DNAH14: variants seen among roughly 807,000 people sequenced by gnomAD.
DNAH14 encodes axonemal beta dynein heavy chain 14.
DNAH14 carries 478 observed loss-of-function variants against 520.9 expected under a neutral mutation model. That is an observed-to-expected ratio of 0.92 (90% confidence interval 0.85 to 0.99). The LOEUF (loss-of-function observed/expected upper bound fraction) is 0.99. DNAH14 is among the 50% of genes least tolerant of loss of function. The pLI is 0.00. For missense variants in DNAH14, 4,831 were observed against 5,234.5 expected, an observed-to-expected ratio of 0.92 and a Z score of 2.38; for synonymous variants, 1,581 against 1,757.2, an observed-to-expected ratio of 0.90 and a Z score of 2.51.
intron 83 of DNAH14, among the ~76,000 whole-genome samples, chr1:225,391,425 T>C (rs2095911303): frequency 6.6e-6 from 1 of 152,064 alleles, no homozygotes; most frequent in African/African-American, 2.4e-5. Context: ...TGAGCCATGA[T>C]CATGCCACTG....
intron 36 of DNAH14, among the ~76,000 whole-genome samples, chr1:225,181,148 GGACCT>G (rs1368544390): frequency 1.3e-5 from 2 of 152,128 alleles, no homozygotes; most frequent in Non-Finnish European, 2.9e-5. Flanking sequence ...TTGCTATAAA[GGACCT>G]GATTTCATTC....
At chr1:225,183,317 A>G (rs2084267547) in intron 36 of DNAH14, among the ~76,000 whole-genome samples, 1 of 152,264 alleles carries the variant, frequency 6.6e-6, no homozygotes, top group African/African-American at 2.4e-5. Flanking sequence ...AATGGCAGGT[A>G]GGTAGTGGTG....
intron 28 of DNAH14, among the ~76,000 whole-genome samples, chr1:225,142,450 G>A (rs2079544593): frequency 1.3e-5 from 2 of 152,170 alleles, no homozygotes; most frequent in African/African-American, 4.8e-5. Flanking sequence ...ATCAGATCAT[G>A]TTACATACCT....
chr1:225,305,967 C>T (rs549608200), intron 58 of DNAH14, among the ~76,000 whole-genome samples: 7 of 152,148 alleles, frequency 4.6e-5, no homozygotes, highest in Non-Finnish European at 8.8e-5. Flanking sequence ...AGCCAAGCTC[C>T]GTGTCTGGAG....
At chr1:225,130,171 A>T (rs2148947339) in intron 27 of DNAH14, among the ~76,000 whole-genome samples, 1 of 152,304 alleles carries the variant, frequency 6.6e-6, no homozygotes. Context: ...AGGAAACAAC[A>T]GGTGCTAGAG....
chr1:225,110,850 A>G (rs138528328), intron 23 of DNAH14, among the ~76,000 whole-genome samples: 2 of 151,702 alleles, frequency 1.3e-5, no homozygotes, highest in East Asian at 1.9e-4. Context: ...TTATTTTCCA[A>G]TTTTCTTCTT....
intron 38 of DNAH14, among the ~76,000 whole-genome samples, chr1:225,198,447 G>C (rs906470223): frequency 6.6e-6 from 1 of 152,044 alleles, no homozygotes. Context: ...TCAATCTCCT[G>C]ACCTTGTGAT....
chr1:224,934,902 C>A (rs559885541), intron 1 of DNAH14, among the ~76,000 whole-genome samples: 2 of 151,344 alleles, frequency 1.3e-5, no homozygotes, highest in Non-Finnish European at 1.5e-5. Flanking sequence ...AAATGCCAAC[C>A]GAGAATATAT....
chr1:225,274,429 C>G (rs2093413210), intron 52 of DNAH14, among the ~76,000 whole-genome samples: 4 of 151,816 alleles, frequency 2.6e-5, no homozygotes, highest in Non-Finnish European at 5.9e-5. Context: ...CTCCTGACCT[C>G]GTGATCCGCC....
intron 69 of DNAH14, among the ~76,000 whole-genome samples, chr1:225,342,783 T>C (rs1290116502): frequency 6.6e-6 from 1 of 152,020 alleles, no homozygotes; most frequent in Non-Finnish European, 1.5e-5. Context: ...AGAGATACTT[T>C]GGATGATGTT....
chr1:225,398,719 T>C, intron 85 of DNAH14, 53 bp downstream of exon 85: 1 of 1,536,400 alleles, frequency 6.5e-7, no homozygotes, highest in Non-Finnish European at 8.8e-7. Flanking sequence ...GTTGCTTCAG[T>C]AATATACAAA....
rs908557665 is a variant in DNAH14, at chr1:225,084,165, G to A, written c.3328-1379G>A. On this transcript the variant is annotated intron_variant, in intron 20 of 85. Coordinates refer to ENST00000682510, the MANE Select transcript of DNAH14 (RefSeq NM_001367479.1). ...TGAACAAAAGTGAACAAGGTCTTCA[G>A]CCTTTGAAATACTGTAGTGAGGAGT... is the stretch of plus-strand genomic sequence containing the variant. Among the ~76,000 whole-genome samples, 5 of 152,070 alleles carry A rather than the reference G, an allele frequency of 3.3e-5. 1 individual carries two copies. Among genetic ancestry groups the A allele is most frequent in the African/African-American group, 7.2e-5 (3 of 41,428 alleles).
At chr1:224,978,778 A>G (rs1411699693) in intron 8 of DNAH14, among the ~76,000 whole-genome samples, 1 of 152,154 alleles carries the variant, frequency 6.6e-6, no homozygotes, top group Non-Finnish European at 1.5e-5. Context: ...ACCTGGGGCT[A>G]CAGGCATGCA....
intron 23 of DNAH14, among the ~76,000 whole-genome samples, chr1:225,104,537 C>G (rs1273856075): frequency 6.6e-6 from 1 of 152,074 alleles, no homozygotes; most frequent in Non-Finnish European, 1.5e-5. Flanking sequence ...GGTTGGTAAG[C>G]TATTAATTAT....
At position 225,085,650 on chromosome 1, in the gene DNAH14, CTTTGCCTTTAA is replaced by C. The variant is rs2073674513; in HGVS notation, c.3437_3447del (p.Leu1146SerfsTer17). 1 of 1,551,154 alleles carries C rather than the reference CTTTGCCTTTAA, an allele frequency of 6.4e-7. No homozygotes were observed. The highest frequency in any genetic ancestry group is 1.2e-5 in the South Asian group (1 of 84,056). ...ATTATTGATTTTTGGAACACTACTC[CTTTGCCTTTAA>C]TTCTTCACCACACAGAGATTTACTC... On this transcript the variant is annotated frameshift_variant, in exon 21 of 86. Coordinates refer to ENST00000682510, the MANE Select transcript of DNAH14 (RefSeq NM_001367479.1). LOFTEE classifies it high-confidence loss of function.
At chr1:225,001,796 T>C (rs2063791896) in intron 8 of DNAH14, among the ~76,000 whole-genome samples, 1 of 152,178 alleles carries the variant, frequency 6.6e-6, no homozygotes, top group Non-Finnish European at 1.5e-5. Flanking sequence ...CTTTCTATGA[T>C]GTGCCACATG....
At chr1:225,285,948 T>TTGA (rs1348092288) in intron 54 of DNAH14, among the ~76,000 whole-genome samples, 1 of 152,224 alleles carries the variant, frequency 6.6e-6, no homozygotes, top group African/African-American at 2.4e-5. Flanking sequence ...TGTTCTTCTG[T>TTGA]TGATGGACAT....
In DNAH14 at chr1:225,115,163, G is replaced by A. The variant is rs1429342802; in HGVS notation, c.3868-2521G>A. 3.9e-5 allele frequency among the ~76,000 whole-genome samples: 6 copies of A among 152,270 alleles called. No individual in the cohort carries two copies. The East Asian group carries it at 1.2e-3, about 29-fold the overall frequency. On this transcript the variant is annotated intron_variant, in intron 23 of 85. Coordinates refer to ENST00000682510, the MANE Select transcript of DNAH14 (RefSeq NM_001367479.1). ...TAATTGCTTTTTCCCTAACAATGGA[G>A]TCTCTCTCTGTGTGCTAAGCTGCCT...
At chr1:224,941,415 A>G (rs1310058261) in intron 1 of DNAH14, among the ~76,000 whole-genome samples, 6 of 152,150 alleles carry the variant, frequency 3.9e-5, no homozygotes, top group African/African-American at 7.2e-5. Flanking sequence ...GATTCTGGAT[A>G]TTAGCCCTTT....
Sources: allele counts gnomAD v4.1 joint callset (sites outside exome capture counted in the v4.1 genomes callset), GRCh38; gene constraint gnomAD v4.1.1; transcripts MANE v1.5; gene names NCBI Gene and HGNC (gene_info 2026-07-23, HGNC 2026-07-21).